The following CNTNAP5 variants were observed in gnomAD, a reference collection of about 807,000 sequenced individuals.
CNTNAP5 encodes contactin associated protein family member 5.
A neutral mutation model predicts 150.2 loss-of-function variants in CNTNAP5; 72 were observed. That is an observed-to-expected ratio of 0.48 (90% CI 0.40 to 0.58). CNTNAP5 has a LOEUF of 0.58. Ranked by LOEUF, CNTNAP5 falls within the 20% of genes least tolerant of loss-of-function variation. The pLI is 0.00. For missense variants in CNTNAP5, 1,636 were observed against 1,626.2 expected, an observed-to-expected ratio of 1.01 and a Z score of -0.10; for synonymous variants, 672 against 619.8, an observed-to-expected ratio of 1.08 and a Z score of -1.25.
chr2:124,719,309 T>C (rs1680005955), intron 13 of CNTNAP5, among the ~76,000 whole-genome samples: 1 of 152,196 alleles, frequency 6.6e-6, no homozygotes, highest in Non-Finnish European at 1.5e-5. Flanking sequence ...GTTTAATTCC[T>C]CATTGTCTCT....
chr2:124,240,459 G>A (rs1686856874), intron 2 of CNTNAP5, among the ~76,000 whole-genome samples: 1 of 152,058 alleles, frequency 6.6e-6, no homozygotes, highest in Admixed American at 6.6e-5. Context: ...TGAAAGTATG[G>A]AAAGCTGAAA....
intron 3 of CNTNAP5, among the ~76,000 whole-genome samples, chr2:124,323,803 C>A (rs1302083981): frequency 6.6e-6 from 1 of 152,132 alleles, no homozygotes; most frequent in Non-Finnish European, 1.5e-5. Context: ...TGATATTCCA[C>A]CTTCAATTAC....
chr2:124,169,619 C>A (rs186119395), intron 1 of CNTNAP5, among the ~76,000 whole-genome samples: 2 of 152,284 alleles, frequency 1.3e-5, no homozygotes, highest in African/African-American at 4.8e-5. Flanking sequence ...TGGAAAACTC[C>A]ATTTCTAAGA....
chr2:124,877,850 G>C (rs923853281), intron 21 of CNTNAP5, among the ~76,000 whole-genome samples: 2 of 152,034 alleles, frequency 1.3e-5, no homozygotes, highest in African/African-American at 4.8e-5. Context: ...AGTAGTTACT[G>C]TTAGTATTAT....
intron 22 of CNTNAP5, among the ~76,000 whole-genome samples, chr2:124,904,599 G>A (rs1678489068): frequency 6.6e-6 from 1 of 151,980 alleles, no homozygotes; most frequent in Admixed American, 6.6e-5. Flanking sequence ...CTAATCTTTG[G>A]CAAAATTTCC....
chr2:124,553,550 T>C (rs1695681689), intron 10 of CNTNAP5, among the ~76,000 whole-genome samples: 2 of 150,328 alleles, frequency 1.3e-5, no homozygotes, highest in South Asian at 2.1e-4. Context: ...ATAAAAGGAT[T>C]GATTATGCAG....
Position 124,434,680 on chromosome 2 carries a change from C to A in CNTNAP5, c.726C>A (p.Leu242=), listed in dbSNP as rs1316925708. 2 of 1,609,554 alleles carry A rather than the reference C, an allele frequency of 1.2e-6. No individual in the cohort carries two copies. The highest frequency in any genetic ancestry group is 2.2e-5 in the East Asian group (1 of 44,768). ...ELQKGRLALH[L]NLGDSKARLS... ...AGAAGGGGAGGCTCGCCCTACACCT[C>A]AATTTGGGTAGGCTCAGACTTCCTC... is the stretch of plus-strand genomic sequence containing the variant. The change falls in exon 5 of 24, where the codon CTC becomes CTA. Residue 242 remains leucine, a synonymous_variant. Transcript: ENST00000682447.
chr2:124,428,686 TGAGCTTTGG>T (rs1692298328), intron 4 of CNTNAP5, among the ~76,000 whole-genome samples: 1 of 151,808 alleles, frequency 6.6e-6, no homozygotes. Flanking sequence ...TTTTTTTTTT[TGAGCTTTGG>T]TTTTCCTACT....
chr2:124,760,972 A>G (rs1680944159), intron 14 of CNTNAP5, among the ~76,000 whole-genome samples: 2 of 152,148 alleles, frequency 1.3e-5, no homozygotes, highest in South Asian at 4.1e-4. Context: ...GTTGAGGTAC[A>G]TGGATTCAAC....
At chr2:124,903,212 A>G (rs527967070) in intron 22 of CNTNAP5, 112 bp downstream of exon 22, 2 of 596,000 alleles carry the variant, frequency 3.4e-6, no homozygotes, top group Non-Finnish European at 5.5e-6. Context: ...TTTACTTTGT[A>G]TAATAACAGG....
chr2:124,413,813 A>G (rs1232154242), intron 3 of CNTNAP5, among the ~76,000 whole-genome samples: 43 of 133,064 alleles, frequency 3.2e-4, no homozygotes, highest in African/African-American at 1.2e-3. Flanking sequence ...GTGCACCAGC[A>G]TGGCACATGT....
At chr2:124,378,812 C>A (rs1257729425) in intron 3 of CNTNAP5, among the ~76,000 whole-genome samples, 1 of 151,978 alleles carries the variant, frequency 6.6e-6, no homozygotes, top group East Asian at 1.9e-4. Context: ...TTATTAGTGA[C>A]ATAGGTGGAT....
At chr2:124,659,669 G>A (rs934018142) in intron 13 of CNTNAP5, among the ~76,000 whole-genome samples, 2 of 152,004 alleles carry the variant, frequency 1.3e-5, no homozygotes, top group African/African-American at 4.8e-5. Context: ...CACTATGCAT[G>A]CGTAGTATGG....
chr2:124,719,454 C>A (rs1680008385), intron 13 of CNTNAP5, among the ~76,000 whole-genome samples: 2 of 152,064 alleles, frequency 1.3e-5, no homozygotes, highest in Non-Finnish European at 2.9e-5. Context: ...AACAGCTGAA[C>A]CGAGTAGTAA....
At chr2:124,627,986 C>G (rs2105005460) in intron 12 of CNTNAP5, among the ~76,000 whole-genome samples, 1 of 152,144 alleles carries the variant, frequency 6.6e-6, no homozygotes, top group East Asian at 1.9e-4. Flanking sequence ...GACTATCTTG[C>G]TAAAATAAGG....
chr2:124,392,215 A>T (rs1053625782), intron 3 of CNTNAP5, among the ~76,000 whole-genome samples: 8 of 152,190 alleles, frequency 5.3e-5, no homozygotes, highest in Non-Finnish European at 8.8e-5. Flanking sequence ...TACTGTGAAG[A>T]AATGTTAGCA....
intron 7 of CNTNAP5, among the ~76,000 whole-genome samples, chr2:124,494,529 C>G (rs191322620): frequency 6.6e-6 from 1 of 152,312 alleles, no homozygotes; most frequent in East Asian, 1.9e-4. Flanking sequence ...GAAACACCTT[C>G]AGACACACCC....
At chr2:124,078,532 C>G (rs1410379292) in intron 1 of CNTNAP5, among the ~76,000 whole-genome samples, 1 of 152,100 alleles carries the variant, frequency 6.6e-6, no homozygotes, top group African/African-American at 2.4e-5. Flanking sequence ...TATGACTTGG[C>G]CTAAATACAT....
At chr2:124,702,210 G>A (rs1022606287) in intron 13 of CNTNAP5, among the ~76,000 whole-genome samples, 3 of 151,930 alleles carry the variant, frequency 2.0e-5, no homozygotes, top group Admixed American at 6.6e-5. Context: ...TGCCCAAAAT[G>A]AGGATCTTTA....
Sources: gnomAD v4.1 joint callset for allele counts (sites outside exome capture counted in the v4.1 genomes callset) on GRCh38, gnomAD v4.1.1 for gene constraint, MANE v1.5 for transcripts, NCBI Gene and HGNC (gene_info 2026-07-23, HGNC 2026-07-21) for gene names.